GTF2F2: variants seen among roughly 807,000 people sequenced by gnomAD.
GTF2F2 encodes the protein general transcription factor IIF subunit 2.
Under a neutral mutation model 42.2 loss-of-function variants are expected in GTF2F2, and 23 were observed. The observed-to-expected ratio is 0.55, with a 90% CI of 0.39 to 0.77. The LOEUF is 0.77. Ranked by LOEUF, GTF2F2 falls within the 30% of genes least tolerant of loss-of-function variation. The pLI is 0.00. For missense variants in GTF2F2, 261 were observed against 287.2 expected (o/e 0.91, Z 0.66); for synonymous variants, 105 against 100.8 (o/e 1.04, Z -0.25).
chr13:45,174,720 G>C (rs56183495), intron 4 of GTF2F2, among the ~76,000 whole-genome samples: 1 of 149,414 alleles, frequency 6.7e-6, no homozygotes, highest in South Asian at 2.1e-4. Context: ...CATACACAGA[G>C]GTCAGGGAGG....
intron 5 of GTF2F2, among the ~76,000 whole-genome samples, chr13:45,243,255 G>A (rs544794225): frequency 3.3e-5 from 5 of 152,224 alleles, no homozygotes; most frequent in African/African-American, 4.8e-5. Context: ...ATACTGGTCC[G>A]TGCCTGTTAG....
intron 5 of GTF2F2, among the ~76,000 whole-genome samples, chr13:45,236,299 A>G (rs570413195): frequency 2.6e-5 from 4 of 152,192 alleles, no homozygotes; most frequent in Non-Finnish European, 5.9e-5. Context: ...TGACTTACTT[A>G]TCTAAATGGG....
intron 4 of GTF2F2, among the ~76,000 whole-genome samples, chr13:45,205,437 A>C (rs906071796): frequency 2.6e-5 from 4 of 152,254 alleles, no homozygotes; most frequent in African/African-American, 7.2e-5. Flanking sequence ...GAGCCAGACC[A>C]TATCAGTAGC....
At chr13:45,281,574 C>T (rs1291411513) in intron 7 of GTF2F2, among the ~76,000 whole-genome samples, 1 of 152,168 alleles carries the variant, frequency 6.6e-6, no homozygotes, top group Admixed American at 6.6e-5. Flanking sequence ...CATGAGTCGC[C>T]TAGGCACTTG....
chr13:45,167,394 C>CTTTT (rs1401944955), intron 4 of GTF2F2, among the ~76,000 whole-genome samples: 32 of 108,818 alleles, frequency 2.9e-4, no homozygotes, highest in African/African-American at 1.1e-3. Context: ...TTTCACCCAG[C>CTTTT]TATTTTTTTT....
chr13:45,267,693 A>G (rs532750150), intron 7 of GTF2F2, among the ~76,000 whole-genome samples: 1 of 152,068 alleles, frequency 6.6e-6, no homozygotes, highest in East Asian at 1.9e-4. Context: ...GAGAAAGTTT[A>G]ACTCCTTCCC....
intron 5 of GTF2F2, among the ~76,000 whole-genome samples, chr13:45,236,490 TAC>T (rs3047056): frequency 0.082 from 11,600 of 141,634 alleles, 499 homozygotes; most frequent in East Asian, 0.25. Context: ...CCGCCACACA[TAC>T]ACACACACAC....
chr13:45,198,785 T>C (rs1873032669), intron 4 of GTF2F2, among the ~76,000 whole-genome samples: 1 of 152,094 alleles, frequency 6.6e-6, no homozygotes, highest in African/African-American at 2.4e-5. Flanking sequence ...TAACATGTAC[T>C]TGCTTCATTG....
At chr13:45,267,171 C>T in intron 6 of GTF2F2, 62 bp from the exon 7 acceptor site, 1 of 1,330,768 alleles carries the variant, frequency 7.5e-7, no homozygotes, top group Non-Finnish European at 1.0e-6. Flanking sequence ...AAAGAGAATG[C>T]CTGTGTTTTA....
chr13:45,174,634 C>CTTTTCTTTTTTT (rs1456234732), intron 4 of GTF2F2, among the ~76,000 whole-genome samples: 6 of 81,474 alleles, frequency 7.4e-5, no homozygotes, highest in African/African-American at 2.8e-4. Flanking sequence ...TTTCTTTTTT[C>CTTTTCTTTTTTT]TTTTTTTTTT....
chr13:45,122,373 C>T (rs1420060123), intron 1 of GTF2F2, among the ~76,000 whole-genome samples: 2 of 152,028 alleles, frequency 1.3e-5, no homozygotes, highest in African/African-American at 2.4e-5. Flanking sequence ...TGGTGGCTCA[C>T]GCCTGTAATC....
At chr13:45,204,110 T>C in intron 4 of GTF2F2, among the ~76,000 whole-genome samples, 1 of 152,150 alleles carries the variant, frequency 6.6e-6, no homozygotes, top group East Asian at 1.9e-4. Context: ...AGTCTATACA[T>C]TTTTCCTTTT....
chr13:45,139,568 T>G (rs991546039), intron 2 of GTF2F2, among the ~76,000 whole-genome samples: 7 of 152,226 alleles, frequency 4.6e-5, no homozygotes, highest in African/African-American at 1.4e-4. Flanking sequence ...TTGAGGTATT[T>G]TCTGGCCACC....
chr13:45,234,732 A>T (rs1374769722), intron 5 of GTF2F2, among the ~76,000 whole-genome samples: 1 of 152,176 alleles, frequency 6.6e-6, no homozygotes, highest in African/African-American at 2.4e-5. Flanking sequence ...GTTAGTAAAT[A>T]TGCACTTTGG....
chr13:45,121,733 T>G (rs1005602584), intron 1 of GTF2F2, among the ~76,000 whole-genome samples: 4 of 152,220 alleles, frequency 2.6e-5, no homozygotes, highest in Non-Finnish European at 5.9e-5. Flanking sequence ...GTTTGGCGCA[T>G]GGTAATTACT....
intron 4 of GTF2F2, among the ~76,000 whole-genome samples, chr13:45,152,380 T>C (rs891512423): frequency 6.6e-6 from 1 of 152,216 alleles, no homozygotes; most frequent in Non-Finnish European, 1.5e-5. Context: ...GATATGAAGA[T>C]GTAGAACAAA....
chr13:45,229,073 G>C (rs1874532678), intron 5 of GTF2F2, among the ~76,000 whole-genome samples: 1 of 152,210 alleles, frequency 6.6e-6, no homozygotes, highest in East Asian at 1.9e-4. Flanking sequence ...AGTAGAGACA[G>C]GGTTTCATCA....
chr13:45,156,476 A>C (rs1336230873), intron 4 of GTF2F2, among the ~76,000 whole-genome samples: 1 of 152,248 alleles, frequency 6.6e-6, no homozygotes, highest in Non-Finnish European at 1.5e-5. Flanking sequence ...TTAAATAAAA[A>C]TTCATTAAAG....
At chr13:45,277,368 AGCAGGAGTGAGAGAGTGAG>A (rs973587257) in intron 7 of GTF2F2, among the ~76,000 whole-genome samples, 6 of 152,176 alleles carry the variant, frequency 3.9e-5, no homozygotes, top group African/African-American at 1.4e-4. Context: ...ACATGGCAAA[AGCAGGAGTGAGAGAGTGAG>A]GCAGGACATG....
Sources: allele counts gnomAD v4.1 joint callset (sites outside exome capture counted in the v4.1 genomes callset), GRCh38; gene constraint gnomAD v4.1.1; transcripts MANE v1.5; gene names NCBI Gene and HGNC (gene_info 2026-07-23, HGNC 2026-07-21).